Variants in DPYD observed in about 807,000 individuals in gnomAD.
The protein encoded by DPYD is dihydropyrimidine dehydrogenase.
A neutral mutation model predicts 116.2 loss-of-function variants in DPYD; 109 were observed. The observed-to-expected ratio is 0.94, with a 90% CI of 0.80 to 1.10. DPYD has a LOEUF of 1.10. DPYD is among the 50% of genes least tolerant of loss of function. DPYD has a pLI of 0.00. For missense variants in DPYD, 1,302 were observed against 1,254.5 expected (o/e 1.04, Z -0.57); for synonymous variants, 440 against 432.0 (o/e 1.02, Z -0.23).
At chr1:97,905,444 TAC>T (rs1673562877) in intron 1 of DPYD, among the ~76,000 whole-genome samples, 1 of 152,036 alleles carries the variant, frequency 6.6e-6, no homozygotes, top group Admixed American at 6.6e-5. Flanking sequence ...TCTAAATGTA[TAC>T]AGACTTTAAA....
At chr1:97,852,084 C>A (rs1670598795) in intron 2 of DPYD, among the ~76,000 whole-genome samples, 1 of 147,910 alleles carries the variant, frequency 6.8e-6, no homozygotes, top group South Asian at 2.1e-4. Context: ...CTGAAGGAAA[C>A]CAAATGAAAG....
chr1:97,503,975 T>G (rs545539823), intron 13 of DPYD, among the ~76,000 whole-genome samples: 1 of 152,062 alleles, frequency 6.6e-6, no homozygotes, highest in East Asian at 1.9e-4. Flanking sequence ...CAAAAATAAA[T>G]TTTTCCCTTA....
chr1:97,794,154 C>A (rs1667455664), intron 3 of DPYD, among the ~76,000 whole-genome samples: 1 of 152,188 alleles, frequency 6.6e-6, no homozygotes, highest in Non-Finnish European at 1.5e-5. Context: ...CCCAGACTAG[C>A]CTCAAACTCC....
At chr1:97,322,598 C>G (rs1028690957) in intron 16 of DPYD, 1 of 151,860 alleles carries the variant, frequency 6.6e-6, no homozygotes, top group African/African-American at 2.4e-5. Flanking sequence ...CAATCTTGAA[C>G]CTAAAAATCC....
At chr1:97,522,856 T>A (rs988248039) in intron 12 of DPYD, among the ~76,000 whole-genome samples, 2 of 152,156 alleles carry the variant, frequency 1.3e-5, no homozygotes, top group African/African-American at 4.8e-5. Context: ...ACTTCCTACA[T>A]CTCCTTTTTT....
intron 19 of DPYD, among the ~76,000 whole-genome samples, chr1:97,227,988 T>C (rs1661310028): frequency 6.6e-6 from 1 of 151,764 alleles, no homozygotes; most frequent in African/African-American, 2.4e-5. Flanking sequence ...ACAACCATCA[T>C]TTTTTAATAA....
chr1:97,663,319 C>T (rs990176310), intron 8 of DPYD, among the ~76,000 whole-genome samples: 1 of 152,148 alleles, frequency 6.6e-6, no homozygotes, highest in Admixed American at 6.5e-5. Context: ...ATTGTCACCA[C>T]CATCCATTTA....
chr1:97,704,639 ACTTACAGT>A (rs1433712818), intron 5 of DPYD, among the ~76,000 whole-genome samples: 1 of 152,054 alleles, frequency 6.6e-6, no homozygotes, highest in African/African-American at 2.4e-5. Flanking sequence ...AGGTCCAGTT[ACTTACAGT>A]ATCAAATTCC....
chr1:97,918,623 A>G (rs980453313), intron 1 of DPYD, among the ~76,000 whole-genome samples: 3 of 152,156 alleles, frequency 2.0e-5, no homozygotes, highest in Admixed American at 6.5e-5. Flanking sequence ...CAGGCACACA[A>G]AGCACCTTTA....
chr1:97,883,197 A>G, intron 2 of DPYD, 67 bp downstream of exon 2: 1 of 1,022,552 alleles, frequency 9.8e-7, no homozygotes, highest in Non-Finnish European at 1.5e-6. Context: ...GTGTATGTAA[A>G]ATCTTGCCTT....
At chr1:97,828,853 A>T (rs189858508) in intron 2 of DPYD, among the ~76,000 whole-genome samples, 7 of 152,116 alleles carry the variant, frequency 4.6e-5, no homozygotes, top group Admixed American at 2.6e-4. Context: ...AGATTGAGTA[A>T]ATATGACATA....
intron 12 of DPYD, among the ~76,000 whole-genome samples, chr1:97,517,249 A>G (rs538652947): frequency 6.6e-6 from 1 of 152,130 alleles, no homozygotes; most frequent in East Asian, 1.9e-4. Flanking sequence ...ACATTTCTGA[A>G]TATTGGTTAG....
Position 97,742,601 on chromosome 1 carries a change from C to T in DPYD, c.234-2122G>A, listed in dbSNP as rs768173799. On this transcript the variant is annotated intron_variant, in intron 3 of 22. Coordinates refer to ENST00000370192, the MANE Select transcript of DPYD (RefSeq NM_000110.4). ...TTGTTGAGTTCAAAAATAATTTCTT[C>T]GAAGTATAATCTGCAGCATACATTG... 7.9e-5 allele frequency among the ~76,000 whole-genome samples: 12 copies of T among 152,100 alleles called. No homozygotes were observed. In the East Asian group the frequency reaches 1.4e-3, roughly 17 times the overall value.
At chr1:97,369,952 G>A (rs1473131360) in intron 16 of DPYD, among the ~76,000 whole-genome samples, 1 of 152,144 alleles carries the variant, frequency 6.6e-6, no homozygotes, top group Non-Finnish European at 1.5e-5. Context: ...GTAAAATACT[G>A]CCTTAATGCA....
At chr1:97,454,297 A>C (rs767474136) in intron 13 of DPYD, among the ~76,000 whole-genome samples, 2 of 151,994 alleles carry the variant, frequency 1.3e-5, no homozygotes, top group African/African-American at 2.4e-5. Context: ...AACTAGAGTT[A>C]GAGTTTAAAT....
chr1:97,293,523 A>C (rs1179033145), intron 18 of DPYD, among the ~76,000 whole-genome samples: 1 of 152,216 alleles, frequency 6.6e-6, no homozygotes, highest in Non-Finnish European at 1.5e-5. Flanking sequence ...AAATAGCATA[A>C]CATGTGAAAA....
At chr1:97,574,205 T>G (rs1408984870) in intron 10 of DPYD, among the ~76,000 whole-genome samples, 1 of 152,162 alleles carries the variant, frequency 6.6e-6, no homozygotes, top group African/African-American at 2.4e-5. Context: ...CATCATAAGG[T>G]ATTTCTCAAG....
intron 10 of DPYD, among the ~76,000 whole-genome samples, chr1:97,583,880 G>T (rs1453424235): frequency 6.6e-6 from 1 of 152,044 alleles, no homozygotes; most frequent in Non-Finnish European, 1.5e-5. Flanking sequence ...ACATACATGT[G>T]CATGTGTCTT....
chr1:97,771,806 ATTGC>A (rs1258688856), intron 3 of DPYD, among the ~76,000 whole-genome samples: 3 of 152,188 alleles, frequency 2.0e-5, no homozygotes, highest in Non-Finnish European at 4.4e-5. Flanking sequence ...GAAAAAAGCC[ATTGC>A]TGTTTCAAAA....
Sources: allele counts gnomAD v4.1 joint callset (sites outside exome capture counted in the v4.1 genomes callset), GRCh38; gene constraint gnomAD v4.1.1; transcripts MANE v1.5; gene names NCBI Gene and HGNC (gene_info 2026-07-23, HGNC 2026-07-21).